Variants in LRRC4C observed in about 807,000 individuals in gnomAD.
LRRC4C encodes the protein leucine rich repeat containing 4C.
A neutral mutation model predicts 33.6 loss-of-function variants in LRRC4C; 5 were observed. That is an observed-to-expected ratio of 0.15 (90% CI 0.08 to 0.31). LRRC4C has a LOEUF of 0.31. Ranked by LOEUF, LRRC4C falls within the 10% of genes least tolerant of loss-of-function variation. The probability of loss-of-function intolerance (pLI) is 1.00; values close to 1 mark genes in which losing one functional copy is unlikely to be tolerated. For synonymous variants in LRRC4C, 329 were observed against 302.0 expected (o/e 1.09, Z -0.93); for missense variants, 560 against 796.7 (o/e 0.70, Z 3.58).
In LRRC4C at chr11:41,092,470, A is replaced by G. The variant is rs527252506; in HGVS notation, c.-495-158747T>C. Among the ~76,000 whole-genome samples, 9 of 152,306 alleles carry G rather than the reference A, an allele frequency of 5.9e-5. No homozygotes were observed. The South Asian group carries it at 6.2e-4, about 11-fold the overall frequency. On this transcript the variant is annotated intron_variant, in intron 1 of 6. Coordinates refer to ENST00000528697, the MANE Select transcript of LRRC4C (RefSeq NM_001258419.2). ...CTCTCAACAACTATTTGTACAGTGAATGATCAACATCTTTTCAGGGCTAAT... is the reference window on the plus strand; with the variant it reads ...CTCTCAACAACTATTTGTACAGTGAGTGATCAACATCTTTTCAGGGCTAAT...
chr11:41,329,288 T>A lies in LRRC4C; in HGVS notation c.-496+130143A>T, dbSNP rs76355952. Among the ~76,000 whole-genome samples the A allele has an allele frequency of 3.4e-3, 524 of 152,330 alleles. 2 individuals carry two copies. The highest frequency in any genetic ancestry group is 0.012 in the African/African-American group (483 of 41,570). On this transcript the variant is annotated intron_variant, in intron 1 of 6. Coordinates refer to ENST00000528697, the MANE Select transcript of LRRC4C (RefSeq NM_001258419.2). Reference sequence around the variant, plus strand: ...TACTCCAAAGAATCTCAAATCTATATCCTCTGCTAAGATCTCCCTCCTGAG... The same window carrying A: ...TACTCCAAAGAATCTCAAATCTATAACCTCTGCTAAGATCTCCCTCCTGAG...
In LRRC4C at chr11:41,303,995, T is replaced by TGG. The variant is rs1436644350; in HGVS notation, c.-496+155434_-496+155435dup. On this transcript the variant is annotated intron_variant, in intron 1 of 6. Coordinates refer to ENST00000528697, the MANE Select transcript of LRRC4C (RefSeq NM_001258419.2). ...GCAGCCACCCCGTCCGGGAGGGAGG[T>TGG]GGGGGGGGTCAGCCCCCCGCCCGGC... 5.0e-3 allele frequency among the ~76,000 whole-genome samples: 206 copies of TGG among 40,802 alleles called. 4 individuals are homozygous for TGG. Among genetic ancestry groups the TGG allele is most frequent in the African/African-American group, 0.011 (188 of 16,900 alleles). 26.8% of individuals were successfully genotyped at this position (40,802 alleles called of 152,430 possible). A position where few individuals can be genotyped will look rare whatever the true frequency, so the allele number is the denominator to read the frequency against.
intron 2 of LRRC4C, among the ~76,000 whole-genome samples, chr11:40,845,112 A>AT (rs1015055691): frequency 1.3e-5 from 2 of 151,588 alleles, no homozygotes; most frequent in East Asian, 1.9e-4. Context: ...TAATTTGTTA[A>AT]TTTTTTCATA....
At chr11:40,273,582 T>C (rs1447538554) in intron 4 of LRRC4C, among the ~76,000 whole-genome samples, 3 of 152,166 alleles carry the variant, frequency 2.0e-5, no homozygotes, top group Admixed American at 1.3e-4. Flanking sequence ...CGATGGATGT[T>C]ACTCTATTAC....
intron 3 of LRRC4C, among the ~76,000 whole-genome samples, chr11:40,449,511 A>C (rs896962318): frequency 5.9e-5 from 9 of 152,144 alleles, no homozygotes; most frequent in African/African-American, 1.9e-4. Context: ...TACTTCATCA[A>C]AGCCCTTTAT....
intron 4 of LRRC4C, among the ~76,000 whole-genome samples, chr11:40,301,355 TG>T: frequency 6.6e-6 from 1 of 152,204 alleles, no homozygotes; most frequent in Non-Finnish European, 1.5e-5. Flanking sequence ...AGATACTATG[TG>T]GTAGTATTTT....
rs184143884 is a variant in LRRC4C at position 40,951,145 on chromosome 11, C to T, written c.-495-17422G>A. 1.9e-3 allele frequency among the ~76,000 whole-genome samples: 282 copies of T among 151,916 alleles called. 1 individual carries two copies. Among genetic ancestry groups the T allele is most frequent in the African/African-American group, 6.4e-3 (266 of 41,476 alleles). On this transcript the variant is annotated intron_variant, in intron 1 of 6. Coordinates refer to ENST00000528697, the MANE Select transcript of LRRC4C (RefSeq NM_001258419.2). ...GAAATATATAATAAAATCTGGAGGG[C>T]AAAGACAGGAAGGTAAACTGCACTG...
At chr11:41,338,730 T>A (rs1025421755) in intron 1 of LRRC4C, among the ~76,000 whole-genome samples, 1 of 152,044 alleles carries the variant, frequency 6.6e-6, no homozygotes. Context: ...AATTAAAAAA[T>A]AAATGCTTGG....
At chr11:40,927,113 C>T (rs755520524) in intron 2 of LRRC4C, among the ~76,000 whole-genome samples, 10 of 152,146 alleles carry the variant, frequency 6.6e-5, no homozygotes, top group Admixed American at 1.3e-4. Flanking sequence ...CGGTGGCTCA[C>T]GCCTGTAATC....
intron 2 of LRRC4C, among the ~76,000 whole-genome samples, chr11:40,817,769 A>G (rs1030790124): frequency 6.6e-6 from 1 of 152,082 alleles, no homozygotes; most frequent in African/African-American, 2.4e-5. Context: ...AAATGCTTAC[A>G]ACTCTATTTT....
rs575352222 is a variant in LRRC4C, at chr11:40,640,029, T to A, written c.-270+8113A>T. Among the ~76,000 whole-genome samples, 12 of 152,296 alleles carry A rather than the reference T, an allele frequency of 7.9e-5. No homozygotes were observed. The Middle Eastern group carries it at 0.01, about 130-fold the overall frequency. On this transcript the variant is annotated intron_variant, in intron 3 of 6. Coordinates refer to ENST00000528697, the MANE Select transcript of LRRC4C (RefSeq NM_001258419.2). Reference sequence around the variant, plus strand: ...CAAGGAGATGCAATCACTCTGATTATATATTCTCAGTTGGCTACCTATCAC... The same window carrying A: ...CAAGGAGATGCAATCACTCTGATTAAATATTCTCAGTTGGCTACCTATCAC...
chr11:40,226,094 TAAAAAAGTACATTG>T (rs1298929004), intron 5 of LRRC4C, among the ~76,000 whole-genome samples: 2 of 152,212 alleles, frequency 1.3e-5, no homozygotes, highest in Non-Finnish European at 2.9e-5. Flanking sequence ...TCCAGTTTTA[TAAAAAAGTACATTG>T]AAGCTCAGAG....
At chr11:40,910,364 A>C (rs145603288) in intron 2 of LRRC4C, among the ~76,000 whole-genome samples, 27 of 152,284 alleles carry the variant, frequency 1.8e-4, no homozygotes, top group African/African-American at 6.5e-4. Flanking sequence ...AGACACATAG[A>C]TGAAAAAAAC....
chr11:40,558,644 A>G (rs1350576720), intron 3 of LRRC4C, among the ~76,000 whole-genome samples: 2 of 152,176 alleles, frequency 1.3e-5, no homozygotes, highest in Non-Finnish European at 2.9e-5. Flanking sequence ...GTCTTGACCA[A>G]TTGTGCTGTT....
At chr11:41,083,122 A>C (rs1325622181) in intron 1 of LRRC4C, among the ~76,000 whole-genome samples, 3 of 152,134 alleles carry the variant, frequency 2.0e-5, no homozygotes, top group Admixed American at 2.0e-4. Context: ...TTTTGAGTAC[A>C]TTTTGAACAC....
chr11:40,242,583 C>A (rs1866003082), intron 4 of LRRC4C, among the ~76,000 whole-genome samples: 1 of 152,048 alleles, frequency 6.6e-6, no homozygotes. Flanking sequence ...TGGGTACTGC[C>A]AAAGTCCCTA....
intron 4 of LRRC4C, among the ~76,000 whole-genome samples, chr11:40,317,326 G>A (rs1398290285): frequency 6.6e-6 from 1 of 151,590 alleles, no homozygotes; most frequent in Non-Finnish European, 1.5e-5. Context: ...CCTCATTCTT[G>A]TTTCATCACA....
At chr11:41,437,421 G>GCA (rs138502307) in intron 1 of LRRC4C, among the ~76,000 whole-genome samples, 263 of 145,030 alleles carry the variant, frequency 1.8e-3, no homozygotes, top group Non-Finnish European at 2.6e-3. Flanking sequence ...ACGCGCGCGC[G>GCA]CGCGCACACA....
At chr11:40,891,491 G>T (rs1351528887) in intron 2 of LRRC4C, among the ~76,000 whole-genome samples, 2 of 152,050 alleles carry the variant, frequency 1.3e-5, no homozygotes, top group African/African-American at 4.8e-5. Context: ...GAAAATATTT[G>T]CAAACTATCC....
Sources: gnomAD v4.1 joint callset for allele counts (sites outside exome capture counted in the v4.1 genomes callset) on GRCh38, gnomAD v4.1.1 for gene constraint, MANE v1.5 for transcripts, NCBI Gene and HGNC (gene_info 2026-07-23, HGNC 2026-07-21) for gene names.